PCDH15: variants seen among roughly 807,000 people sequenced by gnomAD.
PCDH15 encodes protocadherin related 15.
In PCDH15, 129 loss-of-function variants were observed where a neutral mutation model predicts 178.5. The observed-to-expected ratio is 0.72, with a 90% CI of 0.63 to 0.84. The LOEUF (loss-of-function observed/expected upper bound fraction) is 0.84. Ranked by LOEUF, PCDH15 falls within the 40% of genes least tolerant of loss-of-function variation. The pLI is 0.00. For missense variants in PCDH15, 2,230 were observed against 2,099.9 expected (o/e 1.06, Z -1.21); for synonymous variants, 800 against 732.0 (o/e 1.09, Z -1.50).
chr10:55,432,817 CG>C (rs1838919751), intron 2 of PCDH15, among the ~76,000 whole-genome samples: 1 of 151,214 alleles, frequency 6.6e-6, no homozygotes, highest in African/African-American at 2.4e-5. Context: ...GTAGAGATGG[CG>C]TTTAACCGTG....
Position 54,149,951 on chromosome 10 carries a change from A to G in PCDH15, c.1784+3149T>C, listed in dbSNP as rs550289828. 1.2e-3 allele frequency among the ~76,000 whole-genome samples: 188 copies of G among 152,194 alleles called. 1 individual carries two copies. The highest frequency in any genetic ancestry group is 2.1e-3 in the Non-Finnish European group (142 of 68,000). On this transcript the variant is annotated intron_variant, in intron 14 of 37. Transcript: ENST00000644397. ...TGTGGAGTTGGGGAGGAAGAGGGGC[A>G]TTGAGGATGACTCTAAGGGTGTTTG...
chr10:54,108,966 C>CAAACAAAT (rs2094964753), intron 15 of PCDH15, among the ~76,000 whole-genome samples: 1 of 152,034 alleles, frequency 6.6e-6, no homozygotes, highest in African/African-American at 2.4e-5. Context: ...AACAAACAAA[C>CAAACAAAT]AAACAAATAA....
At chr10:55,528,755 C>T (rs1388181919) in intron 2 of PCDH15, among the ~76,000 whole-genome samples, 1 of 152,092 alleles carries the variant, frequency 6.6e-6, no homozygotes, top group East Asian at 1.9e-4. Context: ...ATTGAGACGG[C>T]TGGGTCAAAT....
intron 2 of PCDH15, among the ~76,000 whole-genome samples, chr10:55,064,222 T>G (rs559665319): frequency 9.2e-4 from 140 of 152,276 alleles, no homozygotes; most frequent in African/African-American, 2.9e-3. Flanking sequence ...CAAGTAATTA[T>G]CTAGGAGTTA....
chr10:55,471,116 T>A (rs1345061991), intron 2 of PCDH15, among the ~76,000 whole-genome samples: 1 of 152,172 alleles, frequency 6.6e-6, no homozygotes, highest in Non-Finnish European at 1.5e-5. Flanking sequence ...ATAATGCTGC[T>A]TAAACATCTG....
chr10:55,015,248 T>C (rs951168023), intron 2 of PCDH15, among the ~76,000 whole-genome samples: 2 of 152,136 alleles, frequency 1.3e-5, no homozygotes, highest in Non-Finnish European at 2.9e-5. Context: ...AATATAAATT[T>C]AAAATCTAGT....
At chr10:54,699,187 A>G (rs1404477505) in intron 1 of PCDH15, among the ~76,000 whole-genome samples, 4 of 152,132 alleles carry the variant, frequency 2.6e-5, no homozygotes, top group African/African-American at 9.7e-5. Flanking sequence ...ATTTCAAAGT[A>G]TTTATCAATG....
intron 2 of PCDH15, among the ~76,000 whole-genome samples, chr10:54,562,934 G>C (rs1187511994): frequency 2.6e-5 from 4 of 152,038 alleles, no homozygotes; most frequent in African/African-American, 2.4e-5. Flanking sequence ...CAGTAAAGTG[G>C]TAACATGAAC....
intron 2 of PCDH15, among the ~76,000 whole-genome samples, chr10:54,652,410 A>G (rs2094282939): frequency 6.6e-6 from 1 of 152,184 alleles, no homozygotes. Context: ...GGGGTCTGAT[A>G]AAAGCCATAT....
intron 5 of PCDH15, among the ~76,000 whole-genome samples, chr10:54,347,255 T>C (rs1472912094): frequency 6.6e-6 from 1 of 152,140 alleles, no homozygotes; most frequent in Non-Finnish European, 1.5e-5. Flanking sequence ...CCCTCCCAGT[T>C]TTTAGGTTTT....
intron 5 of PCDH15, among the ~76,000 whole-genome samples, chr10:54,346,893 A>T (rs1237516158): frequency 6.6e-6 from 1 of 152,218 alleles, no homozygotes; most frequent in Non-Finnish European, 1.5e-5. Context: ...GTGAGCAATG[A>T]AATCCAGGCT....
intron 6 of PCDH15, among the ~76,000 whole-genome samples, chr10:54,339,364 A>AAC (rs1554910873): frequency 9.1e-6 from 1 of 110,054 alleles, no homozygotes; most frequent in Admixed American, 9.6e-5. Context: ...GGCATTAAAC[A>AAC]AAAAAAAAAA....
chr10:54,470,271 A>G (rs2077815872), intron 3 of PCDH15, among the ~76,000 whole-genome samples: 1 of 152,162 alleles, frequency 6.6e-6, no homozygotes, highest in African/African-American at 2.4e-5. Context: ...TGACAGCTAT[A>G]AACCGGGCAG....
chr10:54,597,932 A>C (rs1213818601), intron 2 of PCDH15, among the ~76,000 whole-genome samples: 2 of 152,156 alleles, frequency 1.3e-5, no homozygotes, highest in Non-Finnish European at 2.9e-5. Context: ...AAGCTGAACC[A>C]GGAAGAAATT....
chr10:55,589,075 C>A (rs1411628338), intron 2 of PCDH15, among the ~76,000 whole-genome samples: 1 of 123,684 alleles, frequency 8.1e-6, no homozygotes, highest in Non-Finnish European at 1.7e-5. Flanking sequence ...GAGCAAAATT[C>A]CGTGTCAAAA....
chr10:54,965,214 T>A (rs1838752519), intron 2 of PCDH15, among the ~76,000 whole-genome samples: 1 of 152,088 alleles, frequency 6.6e-6, no homozygotes, highest in South Asian at 2.1e-4. Context: ...AATATGTATC[T>A]CACATAGTGG....
intron 2 of PCDH15, among the ~76,000 whole-genome samples, chr10:55,445,945 G>A (rs958031564): frequency 2.0e-5 from 3 of 152,080 alleles, no homozygotes; most frequent in African/African-American, 7.2e-5. Flanking sequence ...ACAGATGAGA[G>A]TGGTAAGTGG....
At chr10:54,477,907 T>C (rs1005948125) in intron 3 of PCDH15, among the ~76,000 whole-genome samples, 4 of 152,174 alleles carry the variant, frequency 2.6e-5, no homozygotes, top group Non-Finnish European at 2.9e-5. Context: ...TTTTTCTTTT[T>C]AAAATGAAAT....
intron 2 of PCDH15, among the ~76,000 whole-genome samples, chr10:54,998,998 T>G (rs1839723145): frequency 1.3e-5 from 2 of 152,182 alleles, no homozygotes; most frequent in African/African-American, 4.8e-5. Flanking sequence ...TTTTAATTTT[T>G]ATTCATTTTC....
Sources: gnomAD v4.1 joint callset for allele counts (sites outside exome capture counted in the v4.1 genomes callset) on GRCh38, gnomAD v4.1.1 for gene constraint, MANE v1.5 for transcripts, NCBI Gene and HGNC (gene_info 2026-07-23, HGNC 2026-07-21) for gene names.